Variants in RPF2 observed in about 807,000 individuals in gnomAD.
The protein encoded by RPF2 is ribosome production factor 2 homolog.
In RPF2, 21 loss-of-function variants were observed where a neutral mutation model predicts 38.9. The observed-to-expected ratio is 0.54, with a 90% CI of 0.38 to 0.78. The LOEUF is 0.78. Among genes scored for constraint, RPF2 ranks in the 30% least tolerant of loss-of-function variants. The pLI is 0.00. For synonymous variants in RPF2, 121 were observed against 126.2 expected (o/e 0.96, Z 0.28); for missense variants, 314 against 358.1 (o/e 0.88, Z 0.99).
intron 5 of RPF2, among the ~76,000 whole-genome samples, chr6:110,997,899 C>CTT (rs36109711): frequency 2.8e-5 from 4 of 141,624 alleles, no homozygotes; most frequent in Non-Finnish European, 4.6e-5. Context: ...TTCTTTTCTT[C>CTT]TTTTTTTTTT....
chr6:111,016,602 A>AAAG (rs1772114066), intron 8 of RPF2, among the ~76,000 whole-genome samples: 1 of 151,812 alleles, frequency 6.6e-6, no homozygotes. Context: ...TGAAAAAACA[A>AAAG]AAAACAAAAA....
intron 5 of RPF2, among the ~76,000 whole-genome samples, chr6:110,998,856 A>G (rs928555178): frequency 1.3e-5 from 2 of 151,914 alleles, no homozygotes; most frequent in Admixed American, 6.6e-5. Flanking sequence ...AAGACAGGAG[A>G]ATTGTTTGAA....
chr6:110,993,301 T>A (rs966540298), intron 4 of RPF2, among the ~76,000 whole-genome samples: 4 of 64,494 alleles, frequency 6.2e-5, no homozygotes, highest in Admixed American at 2.3e-4. Context: ...CTTTTTAATG[T>A]TTTTTTTTCT....
At chr6:111,005,446 A>G (rs1455277328) in intron 6 of RPF2, among the ~76,000 whole-genome samples, 2 of 152,156 alleles carry the variant, frequency 1.3e-5, no homozygotes, top group Non-Finnish European at 2.9e-5. Flanking sequence ...TGGCTTCTAA[A>G]TCCTCTTTTT....
intron 6 of RPF2, among the ~76,000 whole-genome samples, chr6:111,001,240 A>G (rs553830464): frequency 3.7e-4 from 56 of 152,360 alleles, no homozygotes; most frequent in African/African-American, 1.2e-3. Flanking sequence ...TCACATGTAA[A>G]ATAAGTATAA....
At chr6:110,990,559 A>ACCCCCCCCC (rs34703789) in intron 3 of RPF2, among the ~76,000 whole-genome samples, 2 of 77,278 alleles carry the variant, frequency 2.6e-5, no homozygotes, top group Admixed American at 1.8e-4. Context: ...GCAATTGGGA[A>ACCCCCCCCC]CCCCCCCCCC....
chr6:111,013,841 A>T (rs1254763081), intron 7 of RPF2, among the ~76,000 whole-genome samples: 2 of 152,146 alleles, frequency 1.3e-5, no homozygotes, highest in Admixed American at 1.3e-4. Context: ...AACTTGTTTT[A>T]TAAAAATGTC....
At chr6:110,985,653 G>A (rs1771511491) in intron 2 of RPF2, among the ~76,000 whole-genome samples, 1 of 151,950 alleles carries the variant, frequency 6.6e-6, no homozygotes, top group Non-Finnish European at 1.5e-5. Context: ...AAATCACATA[G>A]GGGAGGCCAG....
At chr6:111,015,909 C>A in intron 8 of RPF2, 53 bp downstream of exon 8, 1 of 1,321,448 alleles carries the variant, frequency 7.6e-7, no homozygotes, top group Non-Finnish European at 1.1e-6. Context: ...GTGTTTAAAA[C>A]TGTGTGACTG....
rs1418622511 is a variant in RPF2 at position 111,017,053 on chromosome 6, A to G, written c.596+1197A>G. On this transcript the variant is annotated intron_variant, in intron 8 of 9. Coordinates refer to ENST00000441448, the MANE Select transcript of RPF2 (RefSeq NM_032194.3). ...GGCAGAAGAATTTTTCTTAGTATAG[A>G]ACAAAATGGAGTCTCCTATGTCTAC... 3.9e-5 allele frequency among the ~76,000 whole-genome samples: 6 copies of G among 152,310 alleles called. 1 individual carries two copies. The East Asian group carries it at 7.7e-4, about 20-fold the overall frequency.
At chr6:111,024,435 C>G in intron 9 of RPF2, 108 bp downstream of exon 9, 1 of 1,112,050 alleles carries the variant, frequency 9.0e-7, no homozygotes, top group Non-Finnish European at 1.2e-6. Context: ...AAGGACAGGC[C>G]AGGCGCGGTG....
rs71021820 is a variant in RPF2, at chr6:110,994,734, TACACACAC to T, written c.235-2420_235-2413del. On this transcript the variant is annotated intron_variant, in intron 4 of 9. Coordinates refer to ENST00000441448, the MANE Select transcript of RPF2 (RefSeq NM_032194.3). ...TTGTGGAGAATGGGATGAGTATATA[TACACACAC>T]ACACACACACACACACACACACACA... 6.0e-5 allele frequency among the ~76,000 whole-genome samples: 8 copies of T among 134,136 alleles called. No homozygotes were observed. The South Asian group carries it at 7.0e-4, about 12-fold the overall frequency. 88.0% of individuals were successfully genotyped at this position (134,136 alleles called of 152,430 possible). A position where few individuals can be genotyped will look rare whatever the true frequency, so the allele number is the denominator to read the frequency against.
intron 8 of RPF2, among the ~76,000 whole-genome samples, chr6:111,016,341 T>C (rs9386987): frequency 0.16 from 24,684 of 152,006 alleles, 2,546 homozygotes; most frequent in East Asian, 0.53. Context: ...ACCTGTAATC[T>C]CAGCACTTTG....
chr6:111,021,643 A>G (rs188894137), intron 8 of RPF2, among the ~76,000 whole-genome samples: 132 of 152,294 alleles, frequency 8.7e-4, no homozygotes, highest in African/African-American at 3.1e-3. Context: ...TACCATTTAG[A>G]TAATTCTGAG....
At chr6:110,985,270 C>G in intron 2 of RPF2, 132 bp downstream of exon 2, 1 of 708,548 alleles carries the variant, frequency 1.4e-6, no homozygotes, top group Non-Finnish European at 2.2e-6. Context: ...TAGAGAAGAG[C>G]TAAAGTTGGG....
chr6:110,985,252 A>G, intron 2 of RPF2, 114 bp downstream of exon 2: 3 of 903,652 alleles, frequency 3.3e-6, no homozygotes, highest in Non-Finnish European at 5.0e-6. Flanking sequence ...CATAAGAACT[A>G]CTAGTCTTAG....
chr6:111,006,962 A>G (rs1251786756), intron 6 of RPF2, among the ~76,000 whole-genome samples: 2 of 152,108 alleles, frequency 1.3e-5, no homozygotes, highest in Non-Finnish European at 2.9e-5. Context: ...AGTCCCAGCT[A>G]CTTGAGAGGT....
chr6:110,985,277 T>C (rs1190398900), intron 2 of RPF2, 139 bp downstream of exon 2: 1 of 666,044 alleles, frequency 1.5e-6, no homozygotes, highest in African/African-American at 1.8e-5. Flanking sequence ...GAGCTAAAGT[T>C]GGGGGTTTAT....
chr6:110,993,265 TG>T (rs71686644), intron 4 of RPF2, among the ~76,000 whole-genome samples: 13,684 of 151,806 alleles, frequency 0.09, 683 homozygotes, highest in Middle Eastern at 0.13. Context: ...TATTTGTTGT[TG>T]TTTTTTTTCT....
Sources: gnomAD v4.1 joint callset for allele counts (sites outside exome capture counted in the v4.1 genomes callset) on GRCh38, gnomAD v4.1.1 for gene constraint, MANE v1.5 for transcripts, NCBI Gene and HGNC (gene_info 2026-07-23, HGNC 2026-07-21) for gene names.